Variants in HSD17B12 observed in about 807,000 individuals in gnomAD.
The protein encoded by HSD17B12 is very-long-chain 3-oxoacyl-CoA reductase.
HSD17B12 carries 32 observed loss-of-function variants against 39.3 expected under a neutral mutation model. The observed-to-expected ratio is 0.81, with a 90% CI of 0.61 to 1.09. The LOEUF (loss-of-function observed/expected upper bound fraction) is 1.09, where lower values mean the gene tolerates loss of function less well. Among genes scored for constraint, HSD17B12 ranks in the 50% least tolerant of loss-of-function variants. The probability of loss-of-function intolerance (pLI) is 0.00; values close to 1 mark genes in which losing one functional copy is unlikely to be tolerated. For missense variants in HSD17B12, 342 were observed against 382.9 expected (o/e 0.89, Z 0.89); for synonymous variants, 150 against 146.7 (o/e 1.02, Z -0.16).
At chr11:43,833,733 T>A (rs1200485642) in intron 7 of HSD17B12, 2 of 152,026 alleles carry the variant, frequency 1.3e-5, no homozygotes, top group East Asian at 3.9e-4. Context: ...TCCTTTATCA[T>A]GATCCTTTGT....
chr11:43,788,326 T>C (rs758616233), intron 3 of HSD17B12, among the ~76,000 whole-genome samples: 1 of 152,138 alleles, frequency 6.6e-6, no homozygotes, highest in South Asian at 2.1e-4. Flanking sequence ...TTAAAAAAAA[T>C]GCTGAGACAT....
chr11:43,644,567 T>G, the HSD17B12 span: 10 of 152,530 alleles, frequency 6.6e-5, no homozygotes, highest in Non-Finnish European at 1.0e-4. Flanking sequence ...TGTTGTGGTT[T>G]GTAGCTTGCA....
chr11:43,854,539 T>C (rs1767959017), intron 9 of HSD17B12, 176 bp from the exon 10 acceptor site: 1 of 594,912 alleles, frequency 1.7e-6, no homozygotes, highest in Non-Finnish European at 3.0e-6. Flanking sequence ...ACAATTTGTT[T>C]TATGGTATCA....
intron 1 of HSD17B12, among the ~76,000 whole-genome samples, chr11:43,711,381 T>C (rs1160204221): frequency 6.6e-6 from 1 of 152,124 alleles, no homozygotes; most frequent in Non-Finnish European, 1.5e-5. Flanking sequence ...TTACAGAACA[T>C]TTAGGTTTTA....
intron 3 of HSD17B12, among the ~76,000 whole-genome samples, chr11:43,777,824 A>C (rs1481164325): frequency 1.3e-5 from 2 of 152,216 alleles, no homozygotes; most frequent in African/African-American, 4.8e-5. Context: ...TCTGGGACAC[A>C]TTCAAAGCAC....
chr11:43,843,865 C>A (rs11037668), intron 9 of HSD17B12, among the ~76,000 whole-genome samples: 4,084 of 152,262 alleles, frequency 0.027, 172 homozygotes, highest in African/African-American at 0.078. Flanking sequence ...TCCATGTATT[C>A]TCGAGAACAG....
intron 1 of HSD17B12, among the ~76,000 whole-genome samples, chr11:43,712,157 A>G (rs1429383900): frequency 3.9e-5 from 6 of 152,064 alleles, no homozygotes; most frequent in Non-Finnish European, 5.9e-5. Flanking sequence ...AGCCTGGCGC[A>G]GTGGCTCATG....
At chr11:43,712,255 C>T (rs1469398601) in intron 1 of HSD17B12, among the ~76,000 whole-genome samples, 3 of 151,940 alleles carry the variant, frequency 2.0e-5, no homozygotes, top group Non-Finnish European at 4.4e-5. Flanking sequence ...GGTGAAACCC[C>T]GTCTCTACTA....
intron 1 of HSD17B12, among the ~76,000 whole-genome samples, chr11:43,726,297 C>T (rs1950219468): frequency 6.6e-6 from 1 of 152,040 alleles, no homozygotes; most frequent in African/African-American, 2.4e-5. Context: ...AAAGAGATAA[C>T]TGGAGAGATA....
intron 4 of HSD17B12, among the ~76,000 whole-genome samples, chr11:43,809,893 G>T (rs931260364): frequency 6.6e-6 from 1 of 152,178 alleles, no homozygotes; most frequent in South Asian, 2.1e-4. Context: ...AACTGGATTA[G>T]CATTTATAAC....
At chr11:43,658,461 G>C in the HSD17B12 span, among the ~76,000 whole-genome samples, 1 of 152,182 alleles carries the variant, frequency 6.6e-6, no homozygotes, top group African/African-American at 2.4e-5. Flanking sequence ...TGGAGGAGGA[G>C]AGGCACTCTG....
At chr11:43,574,240 C>T in the HSD17B12 span, among the ~76,000 whole-genome samples, 1 of 152,222 alleles carries the variant, frequency 6.6e-6, no homozygotes, top group Non-Finnish European at 1.5e-5. Context: ...AGGGAGATGA[C>T]ACAGCTGAGG....
At chr11:43,772,769 A>G (rs1950661589) in intron 3 of HSD17B12, among the ~76,000 whole-genome samples, 1 of 152,134 alleles carries the variant, frequency 6.6e-6, no homozygotes, top group Non-Finnish European at 1.5e-5. Flanking sequence ...TTTTTTGTGA[A>G]TGAGTTTTCT....
chr11:43,633,154 C>T, the HSD17B12 span, among the ~76,000 whole-genome samples: 3 of 152,138 alleles, frequency 2.0e-5, no homozygotes, highest in Admixed American at 6.5e-5. Context: ...GTATCTTTAT[C>T]TTTTCCCATA....
intron 1 of HSD17B12, among the ~76,000 whole-genome samples, chr11:43,717,613 G>A (rs1387481765): frequency 6.6e-6 from 1 of 151,986 alleles, no homozygotes; most frequent in Non-Finnish European, 1.5e-5. Context: ...TCCATGTCTG[G>A]GGCCTTGATA....
upstream of HSD17B12, among the ~76,000 whole-genome samples, chr11:43,677,324 C>T (rs921439069): frequency 6.6e-6 from 1 of 152,120 alleles, no homozygotes; most frequent in Non-Finnish European, 1.5e-5. Flanking sequence ...AATCAGCAGC[C>T]CCTACTGGCT....
chr11:43,640,628 G>A, the HSD17B12 span, among the ~76,000 whole-genome samples: 27 of 151,946 alleles, frequency 1.8e-4, no homozygotes, highest in Non-Finnish European at 3.1e-4. Context: ...GAATTGTTAC[G>A]TATTAGGAAA....
intron 1 of HSD17B12, among the ~76,000 whole-genome samples, chr11:43,729,717 C>T (rs1002314018): frequency 3.9e-5 from 6 of 152,264 alleles, no homozygotes; most frequent in African/African-American, 7.2e-5. Flanking sequence ...GCTGCCTATC[C>T]GCTGCATCTG....
At chr11:43,734,419 G>T in intron 1 of HSD17B12, 2 of 769,066 alleles carry the variant, frequency 2.6e-6, no homozygotes, top group Non-Finnish European at 2.4e-6. Flanking sequence ...CAGCCGAGCT[G>T]ATCACCAACT....
Sources: gnomAD v4.1 joint callset for allele counts (sites outside exome capture counted in the v4.1 genomes callset) on GRCh38, gnomAD v4.1.1 for gene constraint, MANE v1.5 for transcripts, NCBI Gene and HGNC (gene_info 2026-07-23, HGNC 2026-07-21) for gene names.